HMBOX1: variants seen among roughly 807,000 people sequenced by gnomAD.
HMBOX1 encodes the protein homeobox-containing protein 1.
A neutral mutation model predicts 54.5 loss-of-function variants in HMBOX1; 14 were observed. The observed-to-expected ratio is 0.26, with a 90% CI of 0.17 to 0.40. The LOEUF (loss-of-function observed/expected upper bound fraction) is 0.40, where lower values mean the gene tolerates loss of function less well. Ranked by LOEUF, HMBOX1 falls within the 10% of genes least tolerant of loss-of-function variation. HMBOX1 has a pLI of 1.00. For synonymous variants in HMBOX1, 160 were observed against 181.0 expected (o/e 0.88, Z 0.93); for missense variants, 332 against 514.4 (o/e 0.65, Z 3.43).
At chr8:28,980,883 G>A (rs990049236) in intron 4 of HMBOX1, among the ~76,000 whole-genome samples, 1 of 152,094 alleles carries the variant, frequency 6.6e-6, no homozygotes, top group African/African-American at 2.4e-5. Context: ...ACTACATTTT[G>A]TAGTTGCAAC....
At chr8:29,025,827 C>T (rs933891050) in intron 6 of HMBOX1, among the ~76,000 whole-genome samples, 1 of 152,122 alleles carries the variant, frequency 6.6e-6, no homozygotes, top group African/African-American at 2.4e-5. Context: ...TGACCGCTAA[C>T]CTCAAGTGGG....
Position 29,018,780 on chromosome 8 carries a change from C to T in HMBOX1, c.718C>T (p.Pro240Ser). The T allele has an allele frequency of 6.2e-7, 1 of 1,614,132 alleles. No homozygotes were observed. Among genetic ancestry groups the T allele is most frequent in the Non-Finnish European group, 8.5e-7 (1 of 1,179,962 alleles). ...TNPGATLSMR[P>S]APIPIEDPEW... ...TTCAGGCGCTACACTAAGTATGAGA[C>T]CAGCCCCCATTCCAATAGAGGACCC... is the stretch of plus-strand genomic sequence containing the variant. The change falls in exon 6 of 10, where the codon CCA (proline) becomes TCA (serine). Residue 240 changes from proline to serine, a missense_variant. Physicochemically the swap from Pro to Ser is moderately conservative, Grantham distance 74. Around this residue, in one of 4 missense-constraint regions of HMBOX1, gnomAD observed 117 missense variants for 220.0 expected, o/e 0.53. Transcript: ENST00000287701.
At chr8:28,960,632 T>G (rs1237556105) in intron 1 of HMBOX1, among the ~76,000 whole-genome samples, 1 of 151,628 alleles carries the variant, frequency 6.6e-6, no homozygotes, top group African/African-American at 2.4e-5. Flanking sequence ...TAAAAAAAAA[T>G]TATTAAAGTA....
intron 1 of HMBOX1, among the ~76,000 whole-genome samples, chr8:28,933,669 G>T (rs907663831): frequency 6.6e-6 from 1 of 152,090 alleles, no homozygotes; most frequent in Non-Finnish European, 1.5e-5. Context: ...TATTATGAAC[G>T]ACTTTATTCC....
At chr8:29,018,722 C>T (rs754858575) in intron 5 of HMBOX1, 38 bp from the exon 6 acceptor site, 8 of 1,599,480 alleles carry the variant, frequency 5.0e-6, no homozygotes, top group Non-Finnish European at 6.8e-6. Flanking sequence ...TTTAAATAAA[C>T]TGCAAGATAT....
intron 1 of HMBOX1, among the ~76,000 whole-genome samples, chr8:28,960,950 C>T (rs1825480953): frequency 6.6e-6 from 1 of 151,762 alleles, no homozygotes; most frequent in South Asian, 2.1e-4. Context: ...CCATGCCCAA[C>T]TAATTTTTGT....
At chr8:29,019,349 T>C (rs1800817294) in intron 6 of HMBOX1, among the ~76,000 whole-genome samples, 1 of 152,166 alleles carries the variant, frequency 6.6e-6, no homozygotes, top group Non-Finnish European at 1.5e-5. Context: ...TTTTTGACTT[T>C]GTTTTAGTAA....
intron 6 of HMBOX1, among the ~76,000 whole-genome samples, chr8:29,028,591 A>G (rs112220382): frequency 1.3e-5 from 2 of 152,164 alleles, no homozygotes; most frequent in African/African-American, 4.8e-5. Context: ...TCCAGAAACT[A>G]AATTCTATAT....
At chr8:29,035,690 C>G (rs2133233117) in intron 6 of HMBOX1, among the ~76,000 whole-genome samples, 1 of 152,328 alleles carries the variant, frequency 6.6e-6, no homozygotes, top group South Asian at 2.1e-4. Context: ...AGGAAATCCA[C>G]AGACTAGCAA....
chr8:29,032,237 G>GT (rs976449909), intron 6 of HMBOX1, among the ~76,000 whole-genome samples: 2 of 148,888 alleles, frequency 1.3e-5, no homozygotes, highest in Admixed American at 6.7e-5. Flanking sequence ...AACAGAAGTA[G>GT]TAACTCTTTC....
rs146474284 is a variant in HMBOX1 at position 28,980,193 on chromosome 8, G to A, written c.586+37G>A. ...AGAGCCCTTTATTCTGGAATCATGTGTAGTCTCTGCCTTCTGGTGCAGATG... is the reference window on the plus strand; with the variant it reads ...AGAGCCCTTTATTCTGGAATCATGTATAGTCTCTGCCTTCTGGTGCAGATG... On this transcript the variant is annotated intron_variant, in intron 4 of 9. Coordinates refer to ENST00000287701, the MANE Select transcript of HMBOX1 (RefSeq NM_001135726.3). 1.8e-4 allele frequency: 259 copies of A among 1,418,006 alleles called. No homozygotes were observed. The African/African-American group carries it at 2.8e-3, about 15-fold the overall frequency. The allele number at this position is 1,418,006 out of a possible 1,614,324, so 87.8% of individuals were successfully genotyped here. A position where few individuals can be genotyped will look rare whatever the true frequency, so the allele number is the denominator to read the frequency against.
intron 1 of HMBOX1, among the ~76,000 whole-genome samples, chr8:28,901,649 A>G (rs1813254755): frequency 6.6e-6 from 1 of 152,108 alleles, no homozygotes; most frequent in Non-Finnish European, 1.5e-5. Flanking sequence ...TTTTTATCAA[A>G]CTTTTCATCA....
intron 1 of HMBOX1, among the ~76,000 whole-genome samples, chr8:28,960,753 CTTTTTCTTTTTCTTTTTTTTTTTTTTTTT>C (rs1825348621): frequency 4.6e-5 from 3 of 65,658 alleles, no homozygotes; most frequent in African/African-American, 1.9e-4. Context: ...TTCTCTTTTT[CTTTTTCTTTTTCTTTTTTTTTTTTTTTTT>C]TTTTTTTTTT....
rs7009398 is a variant in HMBOX1 at position 28,898,248 on chromosome 8, G to A, written c.-58+7570G>A. On this transcript the variant is annotated intron_variant, in intron 1 of 9. Transcript: ENST00000287701. ...ACTGTGATAATTTCTATTAAAAAAA[G>A]ACAAAGTTTAATTTGTTTCATTAGC... Among the ~76,000 whole-genome samples, 865 of 151,712 alleles carry A rather than the reference G, an allele frequency of 5.7e-3. 4 individuals carry two copies. The highest frequency in any genetic ancestry group is 0.02 in the African/African-American group (840 of 41,332).
intron 6 of HMBOX1, among the ~76,000 whole-genome samples, chr8:29,022,328 G>A (rs1424169818): frequency 6.6e-6 from 1 of 152,176 alleles, no homozygotes; most frequent in Non-Finnish European, 1.5e-5. Context: ...TGAGGCAGGA[G>A]GATTGCTTGA....
chr8:28,905,307 AAAAC>A (rs1387817306), intron 1 of HMBOX1, among the ~76,000 whole-genome samples: 5 of 152,232 alleles, frequency 3.3e-5, no homozygotes, highest in Non-Finnish European at 5.9e-5. Flanking sequence ...AGCCAAAAGA[AAAAC>A]AAAACAAAAA....
chr8:28,939,529 T>A (rs1309467851), intron 1 of HMBOX1, among the ~76,000 whole-genome samples: 1 of 151,958 alleles, frequency 6.6e-6, no homozygotes, highest in Non-Finnish European at 1.5e-5. Flanking sequence ...TTTTTTGAGA[T>A]GGAGTCTTGC....
chr8:28,984,269 G>A (rs1409834332), intron 4 of HMBOX1, among the ~76,000 whole-genome samples: 5 of 152,150 alleles, frequency 3.3e-5, no homozygotes, highest in Non-Finnish European at 7.3e-5. Flanking sequence ...CTTACAACAA[G>A]TTCTCTTAAA....
At chr8:28,984,741 A>G (rs1829925096) in intron 4 of HMBOX1, among the ~76,000 whole-genome samples, 1 of 152,218 alleles carries the variant, frequency 6.6e-6, no homozygotes, top group Non-Finnish European at 1.5e-5. Flanking sequence ...CTTTCAGGGT[A>G]AAATGTTTTC....
Sources: allele counts gnomAD v4.1 joint callset (sites outside exome capture counted in the v4.1 genomes callset), GRCh38; gene constraint gnomAD v4.1.1; regional missense constraint gnomAD v4.1.1; transcripts MANE v1.5; gene names NCBI Gene and HGNC (gene_info 2026-07-23, HGNC 2026-07-21).